STIM2: variants seen among roughly 807,000 people sequenced by gnomAD.
STIM2 encodes the protein stromal interaction molecule 2.
Under a neutral mutation model 85.8 loss-of-function variants are expected in STIM2, and 31 were observed. The ratio of observed to expected loss-of-function variants is 0.36; its 90% CI spans 0.27 to 0.49. The LOEUF (loss-of-function observed/expected upper bound fraction) is 0.49, where lower values mean the gene tolerates loss of function less well. Ranked by LOEUF, STIM2 falls within the 20% of genes least tolerant of loss-of-function variation. The pLI is 0.98. For synonymous variants in STIM2, 356 were observed against 331.1 expected (o/e 1.08, Z -0.82); for missense variants, 841 against 927.6 (o/e 0.91, Z 1.21).
Position 27,021,283 on chromosome 4 carries a change from TATC to T in STIM2, c.1764-1233_1764-1231del, listed in dbSNP as rs566730738. ...TGCCTATAAACAAGTTAATATAAAATATCATTTTAGGTTTTGGTAAGTTTTGGG... is the reference window on the plus strand; with the variant it reads ...TGCCTATAAACAAGTTAATATAAAATATTTTAGGTTTTGGTAAGTTTTGGG... On this transcript the variant is annotated intron_variant, in intron 11 of 11. Coordinates refer to ENST00000467087, the MANE Select transcript of STIM2 (RefSeq NM_020860.4). 398 of 496,136 alleles carry T rather than the reference TATC, an allele frequency of 8.0e-4. 1 individual carries two copies. Among genetic ancestry groups the T allele is most frequent in the African/African-American group, 6.9e-3 (358 of 51,658 alleles). 30.7% of individuals were successfully genotyped at this position (496,136 alleles called of 1,614,324 possible).
At chr4:26,865,032 G>A (rs777550502) in intron 1 of STIM2, among the ~76,000 whole-genome samples, 3 of 152,074 alleles carry the variant, frequency 2.0e-5, no homozygotes, top group African/African-American at 7.2e-5. Flanking sequence ...CATTGTGACC[G>A]TAGACTCAAA....
chr4:26,981,921 T>C (rs1448841995), intron 3 of STIM2, among the ~76,000 whole-genome samples: 1 of 152,186 alleles, frequency 6.6e-6, no homozygotes, highest in African/African-American at 2.4e-5. Flanking sequence ...TCTGCTGTGT[T>C]TCCATAACTA....
intron 2 of STIM2, among the ~76,000 whole-genome samples, chr4:26,944,316 G>T (rs985552537): frequency 2.0e-5 from 3 of 152,002 alleles, no homozygotes; most frequent in African/African-American, 7.2e-5. Context: ...AAATATTTAA[G>T]TATTTTTATT....
intron 3 of STIM2, among the ~76,000 whole-genome samples, chr4:26,983,306 T>G (rs1038838783): frequency 6.6e-6 from 1 of 152,218 alleles, no homozygotes; most frequent in Non-Finnish European, 1.5e-5. Context: ...GGGGAGCCTA[T>G]TTAGTAATTT....
chr4:26,915,081 T>C (rs1392299112), intron 1 of STIM2, among the ~76,000 whole-genome samples: 1 of 152,194 alleles, frequency 6.6e-6, no homozygotes, highest in East Asian at 1.9e-4. Flanking sequence ...TCTAGGAGTG[T>C]GATCTTAAGC....
At chr4:26,988,540 C>T (rs1389525131) in intron 3 of STIM2, among the ~76,000 whole-genome samples, 2 of 152,178 alleles carry the variant, frequency 1.3e-5, no homozygotes, top group Non-Finnish European at 2.9e-5. Context: ...ATTAGGACCA[C>T]TTAGCTTATT....
At chr4:26,942,627 T>C (rs1277443280) in intron 2 of STIM2, among the ~76,000 whole-genome samples, 3 of 152,178 alleles carry the variant, frequency 2.0e-5, no homozygotes, top group African/African-American at 7.2e-5. Context: ...TTCATATCAC[T>C]CACTAGTGTC....
chr4:26,937,937 C>CA, intron 2 of STIM2, among the ~76,000 whole-genome samples: 1 of 152,262 alleles, frequency 6.6e-6, no homozygotes, highest in Non-Finnish European at 1.5e-5. Context: ...ATGACGGAAA[C>CA]ACTCAGCAAC....
chr4:26,897,797 G>T (rs1033194926), intron 1 of STIM2, among the ~76,000 whole-genome samples: 3 of 152,008 alleles, frequency 2.0e-5, no homozygotes, highest in African/African-American at 7.3e-5. Context: ...ACAGGGTCTT[G>T]CTCTGTTACT....
At chr4:26,911,972 A>T (rs1004104425) in intron 1 of STIM2, among the ~76,000 whole-genome samples, 17 of 152,224 alleles carry the variant, frequency 1.1e-4, no homozygotes, top group African/African-American at 4.1e-4. Context: ...GTATCAGAAG[A>T]GAAGGAAGAC....
chr4:26,887,007 T>C (rs947885428), intron 1 of STIM2, among the ~76,000 whole-genome samples: 8 of 152,116 alleles, frequency 5.3e-5, no homozygotes, highest in African/African-American at 1.9e-4. Flanking sequence ...AAAGCCCTTC[T>C]GTTCTGTTGT....
intron 3 of STIM2, among the ~76,000 whole-genome samples, chr4:26,995,139 G>T (rs1727907331): frequency 6.6e-6 from 1 of 152,036 alleles, no homozygotes; most frequent in Non-Finnish European, 1.5e-5. Context: ...TTACAAACTT[G>T]TATAGGTGTT....
intron 3 of STIM2, among the ~76,000 whole-genome samples, chr4:26,959,545 G>T (rs1243977792): frequency 6.6e-6 from 1 of 151,130 alleles, no homozygotes; most frequent in Admixed American, 6.6e-5. Flanking sequence ...ATCTCCCTTT[G>T]CCTCACCCCC....
At chr4:26,989,192 C>T (rs1476231799) in intron 3 of STIM2, among the ~76,000 whole-genome samples, 2 of 152,160 alleles carry the variant, frequency 1.3e-5, no homozygotes, top group Non-Finnish European at 2.9e-5. Flanking sequence ...ACCCTGGTCT[C>T]CCAAAGTGGT....
chr4:27,019,386 G>A lies in STIM2; in HGVS notation c.1763+1402G>A, dbSNP rs902947289. 23 of 1,280,440 alleles carry A rather than the reference G, an allele frequency of 1.8e-5. No individual in the cohort carries two copies. The African/African-American group carries it at 1.8e-4, about 10-fold the overall frequency. The allele number at this position is 1,280,440 out of a possible 1,614,324, so 79.3% of individuals were successfully genotyped here. A position where few individuals can be genotyped will look rare whatever the true frequency, so the allele number is the denominator to read the frequency against. On this transcript the variant is annotated intron_variant, in intron 11 of 11. Coordinates refer to ENST00000467087, the MANE Select transcript of STIM2 (RefSeq NM_020860.4). Reference sequence around the variant, plus strand: ...GTTAACACTTTATGACTAGCTTTTCGTCTGTCTTTGCAGTATGATCATAGT... The same window carrying A: ...GTTAACACTTTATGACTAGCTTTTCATCTGTCTTTGCAGTATGATCATAGT...
intron 1 of STIM2, among the ~76,000 whole-genome samples, chr4:26,877,459 A>G (rs1005302562): frequency 1.5e-4 from 22 of 150,420 alleles, no homozygotes; most frequent in African/African-American, 4.9e-4. Flanking sequence ...ATTAGTTCCA[A>G]CATCTGGGTA....
chr4:27,017,549 T>C (rs1227106950), intron 10 of STIM2, among the ~76,000 whole-genome samples, 162 bp from the exon 11 acceptor site: 1 of 151,980 alleles, frequency 6.6e-6, no homozygotes, highest in East Asian at 1.9e-4. Context: ...ACTTTCCTAG[T>C]GTAGGTAGTA....
chr4:26,905,988 TA>T (rs1314654074), intron 1 of STIM2, among the ~76,000 whole-genome samples: 1 of 152,158 alleles, frequency 6.6e-6, no homozygotes, highest in Non-Finnish European at 1.5e-5. Flanking sequence ...TATATAGACC[TA>T]AAAATACATA....
At chr4:26,983,916 G>A (rs1304606686) in intron 3 of STIM2, among the ~76,000 whole-genome samples, 1 of 152,166 alleles carries the variant, frequency 6.6e-6, no homozygotes. Flanking sequence ...GTTGCCTACA[G>A]AAAATCTTTT....
Sources: gnomAD v4.1 joint callset for allele counts (sites outside exome capture counted in the v4.1 genomes callset) on GRCh38, gnomAD v4.1.1 for gene constraint, MANE v1.5 for transcripts, NCBI Gene and HGNC (gene_info 2026-07-23, HGNC 2026-07-21) for gene names.